Variants in PCDH7 observed in about 807,000 individuals in gnomAD.
PCDH7 encodes protocadherin 7.
In PCDH7, 17 loss-of-function variants were observed where a neutral mutation model predicts 58.9. That is an observed-to-expected ratio of 0.29 (90% CI 0.20 to 0.43). The LOEUF (loss-of-function observed/expected upper bound fraction) is 0.43, where lower values mean the gene tolerates loss of function less well. Among genes scored for constraint, PCDH7 ranks in the 20% least tolerant of loss-of-function variants. PCDH7 has a pLI of 1.00. For synonymous variants in PCDH7, 664 were observed against 616.4 expected (o/e 1.08, Z -1.14); for missense variants, 1,274 against 1,441.0 (o/e 0.88, Z 1.88).
chr4:30,729,088 T>C (rs1285940601), intron 1 of PCDH7, among the ~76,000 whole-genome samples: 1 of 151,882 alleles, frequency 6.6e-6, no homozygotes, highest in East Asian at 1.9e-4. Context: ...CTCATTTTAA[T>C]AGAAGAGGAG....
chr4:30,814,564 C>T (rs541720614), intron 1 of PCDH7, among the ~76,000 whole-genome samples: 7 of 151,230 alleles, frequency 4.6e-5, no homozygotes, highest in Non-Finnish European at 8.9e-5. Context: ...TTTTTTTTTA[C>T]CTACTTGAAT....
At chr4:31,058,259 C>T (rs1387266163) in intron 3 of PCDH7, among the ~76,000 whole-genome samples, 1 of 152,068 alleles carries the variant, frequency 6.6e-6, no homozygotes, top group Non-Finnish European at 1.5e-5. Context: ...GGGTGATACC[C>T]ATTTTCACTT....
chr4:31,018,217 C>G (rs1753765575), intron 3 of PCDH7, among the ~76,000 whole-genome samples: 1 of 151,968 alleles, frequency 6.6e-6, no homozygotes, highest in Non-Finnish European at 1.5e-5. Flanking sequence ...TGAGTTTCTC[C>G]CTATATCACT....
chr4:30,913,163 T>C (rs1383995392), intron 1 of PCDH7, among the ~76,000 whole-genome samples: 1 of 151,770 alleles, frequency 6.6e-6, no homozygotes, highest in Non-Finnish European at 1.5e-5. Context: ...GAAAGCAGAA[T>C]ACATTAATAA....
At chr4:30,774,895 A>G (rs1374869309) in intron 1 of PCDH7, among the ~76,000 whole-genome samples, 1 of 152,218 alleles carries the variant, frequency 6.6e-6, no homozygotes, top group Non-Finnish European at 1.5e-5. Flanking sequence ...TACATACCTT[A>G]TGACTGTGTG....
intron 1 of PCDH7, among the ~76,000 whole-genome samples, chr4:30,785,716 T>G (rs1030830123): frequency 6.6e-6 from 1 of 152,202 alleles, no homozygotes; most frequent in Middle Eastern, 3.4e-3. Flanking sequence ...AATAAGTCAT[T>G]AATTTCTTTT....
intron 1 of PCDH7, among the ~76,000 whole-genome samples, chr4:30,916,967 A>T (rs368660064): frequency 8.3e-4 from 126 of 152,318 alleles, no homozygotes; most frequent in South Asian, 3.5e-3. Flanking sequence ...TCTAGGTTGA[A>T]GAATTATCAC....
intron 3 of PCDH7, among the ~76,000 whole-genome samples, chr4:31,035,125 C>G (rs951223176): frequency 4.6e-5 from 7 of 151,940 alleles, no homozygotes; most frequent in Non-Finnish European, 1.0e-4. Context: ...AATCTGTGCT[C>G]TCATGGGAGA....
chr4:31,105,148 G>A (rs1409724583), intron 3 of PCDH7, among the ~76,000 whole-genome samples: 1 of 152,036 alleles, frequency 6.6e-6, no homozygotes, highest in Non-Finnish European at 1.5e-5. Context: ...GAACTGATGT[G>A]TTCATTCTCA....
At chr4:30,836,918 G>A (rs963243130) in intron 1 of PCDH7, among the ~76,000 whole-genome samples, 5 of 151,926 alleles carry the variant, frequency 3.3e-5, no homozygotes, top group Non-Finnish European at 7.4e-5. Context: ...CATTATCACC[G>A]ACTCACTTTA....
chr4:31,060,428 T>G (rs1403956444), intron 3 of PCDH7, among the ~76,000 whole-genome samples: 1 of 151,794 alleles, frequency 6.6e-6, no homozygotes, highest in Non-Finnish European at 1.5e-5. Context: ...TTTGTCTTCC[T>G]CATTGCCGTA....
intron 1 of PCDH7, among the ~76,000 whole-genome samples, chr4:30,785,800 A>G (rs1723315390): frequency 6.6e-6 from 1 of 152,006 alleles, no homozygotes; most frequent in Non-Finnish European, 1.5e-5. Context: ...CTCTGATCCT[A>G]ATTCTTAAAA....
intron 1 of PCDH7, among the ~76,000 whole-genome samples, chr4:30,855,112 T>A (rs796306914): frequency 1.3e-5 from 2 of 152,086 alleles, no homozygotes; most frequent in South Asian, 4.1e-4. Flanking sequence ...TCTGCTGCTG[T>A]GGTATTTCTG....
chr4:30,725,405 T>C (rs762939168), intron 1 of PCDH7: 7 of 359,472 alleles, frequency 1.9e-5, no homozygotes, highest in Admixed American at 6.5e-5. Flanking sequence ...GTATGCATTA[T>C]GATATATTGA....
chr4:30,764,522 A>G (rs1720443945), intron 1 of PCDH7, among the ~76,000 whole-genome samples: 1 of 152,192 alleles, frequency 6.6e-6, no homozygotes, highest in African/African-American at 2.4e-5. Flanking sequence ...AAGATTACCC[A>G]AACATGTGAA....
intron 1 of PCDH7, among the ~76,000 whole-genome samples, chr4:30,797,956 A>T (rs2109303929): frequency 6.6e-6 from 1 of 152,300 alleles, no homozygotes; most frequent in East Asian, 1.9e-4. Context: ...TGAATCTGTA[A>T]CAAATCATGT....
chr4:30,915,600 T>C (rs1742345608), intron 1 of PCDH7, among the ~76,000 whole-genome samples: 1 of 152,124 alleles, frequency 6.6e-6, no homozygotes, highest in African/African-American at 2.4e-5. Flanking sequence ...CTCGGCTCAC[T>C]GCAACCTTTG....
intron 1 of PCDH7, among the ~76,000 whole-genome samples, chr4:30,882,281 G>T (rs1214532841): frequency 6.6e-6 from 1 of 150,630 alleles, no homozygotes; most frequent in East Asian, 2.0e-4. Context: ...CTTCTTCTTG[G>T]AGAAAGGGTC....
At chr4:31,060,800 A>G (rs1278660435) in intron 3 of PCDH7, among the ~76,000 whole-genome samples, 1 of 151,760 alleles carries the variant, frequency 6.6e-6, no homozygotes, top group Admixed American at 6.6e-5. Context: ...TGATTTAGTT[A>G]ACTTAGATAA....
Sources: allele counts gnomAD v4.1 joint callset (sites outside exome capture counted in the v4.1 genomes callset), GRCh38; gene constraint gnomAD v4.1.1; transcripts MANE v1.5; gene names NCBI Gene and HGNC (gene_info 2026-07-23, HGNC 2026-07-21).